The following ZNF780A variants were observed in gnomAD, a reference collection of about 807,000 sequenced individuals.
ZNF780A encodes zinc finger protein 780A.
ZNF780A carries 40 observed loss-of-function variants against 56.7 expected under a neutral mutation model. That is an observed-to-expected ratio of 0.71 (90% CI 0.55 to 0.92). The LOEUF is 0.92. Ranked by LOEUF, ZNF780A falls within the 40% of genes least tolerant of loss-of-function variation. The pLI, the probability that ZNF780A is intolerant of heterozygous loss-of-function variation, is 0.00. For synonymous variants in ZNF780A, 231 were observed against 248.3 expected (o/e 0.93, Z 0.66); for missense variants, 672 against 783.3 (o/e 0.86, Z 1.70).
chr19:40,085,874 A>C (rs1974763549), intron 2 of ZNF780A, among the ~76,000 whole-genome samples: 1 of 151,994 alleles, frequency 6.6e-6, no homozygotes, highest in Non-Finnish European at 1.5e-5. Context: ...GCGAGCCTTC[A>C]TATAAAAAAA....
downstream of ZNF780A, chr19:40,069,196 A>C (rs1415457952): frequency 1.3e-5 from 2 of 153,058 alleles, no homozygotes; most frequent in African/African-American, 4.8e-5. Flanking sequence ...TGCAGAATGT[A>C]CAAGAATCAT....
chr19:40,069,189 AGAATGT>A (rs1428980835), downstream of ZNF780A: 2 of 152,676 alleles, frequency 1.3e-5, no homozygotes, highest in African/African-American at 4.8e-5. Context: ...ACTGTTCTGC[AGAATGT>A]ACAAGAATCA....
At position 40,075,692 on chromosome 19, in the gene ZNF780A, T is replaced by C. The variant is rs140183562; in HGVS notation, c.750A>G (p.Glu250=). The stretch of plus-strand genomic sequence containing the variant: ...TAAAGGACTTCCCACATTCCTTACA[T>C]TCAAACAGTTTCTCACCTGTGTGAA... ...KNIHTGEKLF[E]CKECGKSFNR... The change falls in exon 6 of 6, where the codon GAA becomes GAG. Residue 250 remains glutamate, a synonymous_variant. Coordinates refer to ENST00000683561, the MANE Select transcript of ZNF780A (RefSeq NM_001142578.2). 4.1e-4 allele frequency: 655 copies of C among 1,614,124 alleles called. No homozygotes were observed. The highest frequency in any genetic ancestry group is 6.4e-4 in the South Asian group (58 of 91,076).
chr19:40,089,518 C>A (rs1599859480), intron 2 of ZNF780A: 10 of 282,564 alleles, frequency 3.5e-5, no homozygotes, highest in East Asian at 2.3e-4. Flanking sequence ...AGGGGCTTTA[C>A]GATATTAATT....
chr19:40,073,799 G>C lies in ZNF780A; in HGVS notation c.*717C>G. The C allele has an allele frequency of 3.0e-6, 3 of 988,422 alleles. No homozygotes were observed. Among genetic ancestry groups the C allele is most frequent in the Non-Finnish European group, 3.6e-6 (3 of 831,884 alleles). The allele number at this position is 988,422 out of a possible 1,614,324, so 61.2% of individuals were successfully genotyped here. ...TCATCAATATGAGCTCTCTGGTGTT[G>C]AGTAAATTTTTCGTACACAGTGAAG... On this transcript the variant is annotated 3_prime_UTR_variant, in exon 6 of 6. Transcript: ENST00000683561.
At position 40,074,793 on chromosome 19, in the gene ZNF780A, A is replaced by ATACT. The variant is rs766166330; in HGVS notation, c.1645_1648dup (p.Ile550LysfsTer10). On this transcript the variant is annotated frameshift_variant, in exon 6 of 6. Transcript: ENST00000683561. LOFTEE classifies it high-confidence loss of function. The stretch of plus-strand genomic sequence containing the variant: ...TTCAAAGGGTTTCTTTCCAGTATGA[A>ATACT]TACTTCGATGTTGATTAAGATTTGA... 273 of 1,613,992 alleles carry ATACT rather than the reference A, an allele frequency of 1.7e-4. No homozygotes were observed. Among genetic ancestry groups the ATACT allele is most frequent in the Non-Finnish European group, 2.2e-4 (261 of 1,179,982 alleles).
At chr19:40,087,296 G>T (rs560063302) in intron 2 of ZNF780A, among the ~76,000 whole-genome samples, 1 of 152,226 alleles carries the variant, frequency 6.6e-6, no homozygotes, top group East Asian at 1.9e-4. Context: ...ATGGGAGAGT[G>T]GGGAGAGCTA....
chr19:40,090,514 C>G (rs1202932190), intron 1 of ZNF780A: 1 of 152,194 alleles, frequency 6.6e-6, no homozygotes, highest in Non-Finnish European at 1.5e-5. Context: ...ATTCTCGGCT[C>G]AATATCTGAC....
intron 5 of ZNF780A, among the ~76,000 whole-genome samples, chr19:40,076,493 A>T (rs565324615): frequency 7.5e-4 from 115 of 152,328 alleles, no homozygotes; most frequent in African/African-American, 2.7e-3. Context: ...AAACATATTG[A>T]TATGTTCTAT....
At chr19:40,089,308 G>A (rs952018541) in intron 2 of ZNF780A, 3 of 1,354,122 alleles carry the variant, frequency 2.2e-6, no homozygotes, top group African/African-American at 2.9e-5. Context: ...TATATCTGTC[G>A]ATTTAAAAAG....
In ZNF780A at chr19:40,075,560, C is replaced by T; in HGVS notation, c.882G>A (p.Gln294=). 1 of 1,613,606 alleles carries T rather than the reference C, an allele frequency of 6.2e-7. No individual in the cohort carries two copies. Among genetic ancestry groups the T allele is most frequent in the Non-Finnish European group, 8.5e-7 (1 of 1,179,904 alleles). The stretch of plus-strand genomic sequence containing the variant: ...TCTCATTGGAATGAATTTTCTGATG[C>T]TGAATAAGGTGTGCACCACGATTAA... ...KGFNRGAHLI[Q]HQKIHSNEKP... Residue 294 remains glutamine (Q), a synonymous_variant, in exon 6 of 6, where the codon CAG becomes CAA. Coordinates refer to ENST00000683561, the MANE Select transcript of ZNF780A (RefSeq NM_001142578.2).
Position 40,075,990 on chromosome 19 carries a change from T to G in ZNF780A, c.452A>C (p.His151Pro). 3 of 1,613,508 alleles carry G rather than the reference T, an allele frequency of 1.9e-6. No individual in the cohort carries two copies. Among genetic ancestry groups the G allele is most frequent in the Non-Finnish European group, 2.5e-6 (3 of 1,179,788 alleles). ...KMISYEKLPT[H>P]TPHASLICNT... ...GCAAATAAGAGAAGCATGAGGAGTA[T>G]GAGTAGGCAGTTTTTCATAGCTGAT... The change falls in exon 6 of 6, where the codon CAT becomes CCT. Residue 151 changes from histidine to proline, a missense_variant. Transcript: ENST00000683561.
intron 3 of ZNF780A, among the ~76,000 whole-genome samples, chr19:40,083,778 G>A (rs1456192536): frequency 6.6e-6 from 1 of 151,768 alleles, no homozygotes; most frequent in Non-Finnish European, 1.5e-5. Flanking sequence ...CATGACAACT[G>A]ATTTTTATAA....
chr19:40,088,115 T>G (rs1159316591), intron 2 of ZNF780A, among the ~76,000 whole-genome samples: 2 of 152,150 alleles, frequency 1.3e-5, no homozygotes, highest in African/African-American at 4.8e-5. Context: ...TGATTTTTTT[T>G]GGGATATGAC....
rs187173330 is a variant in ZNF780A at position 40,090,740 on chromosome 19, G to A, written c.-116+166C>T. On this transcript the variant is annotated intron_variant, in intron 1 of 5. Transcript: ENST00000683561. ...ACAATCCCCCTCCTCTGATACCCGC[G>A]CACACACACGCCTGGGGATCCGGCA... 6.6e-5 allele frequency: 10 copies of A among 152,590 alleles called. No individual in the cohort carries two copies. In the East Asian group the frequency reaches 1.5e-3, roughly 24 times the overall value. The allele number at this position is 152,590 out of a possible 1,614,324, so 9.5% of individuals were successfully genotyped here. A position where few individuals can be genotyped will look rare whatever the true frequency, so the allele number is the denominator to read the frequency against.
At chr19:40,089,097 G>T (rs1162840852) in intron 2 of ZNF780A, among the ~76,000 whole-genome samples, 2 of 152,098 alleles carry the variant, frequency 1.3e-5, no homozygotes, top group Non-Finnish European at 2.9e-5. Flanking sequence ...AAGTTCAGGA[G>T]ATCTATTACA....
At chr19:40,072,009 C>T (rs1329392246), downstream of ZNF780A, 1 of 152,614 alleles carries the variant, frequency 6.6e-6, no homozygotes, top group Non-Finnish European at 1.5e-5. Flanking sequence ...AGAAATAATC[C>T]CCTGCACTGC....
At chr19:40,069,842 G>C (rs1973756096), downstream of ZNF780A, 1 of 152,040 alleles carries the variant, frequency 6.6e-6, no homozygotes. Context: ...TATTTGTATT[G>C]ATCTGTAAAA....
intron 4 of ZNF780A, among the ~76,000 whole-genome samples, chr19:40,082,689 T>C (rs949182006): frequency 1.3e-5 from 2 of 152,298 alleles, no homozygotes; most frequent in African/African-American, 2.4e-5. Context: ...CCAGTGATCA[T>C]AGAGGTTTCT....
Sources: gnomAD v4.1 joint callset for allele counts (sites outside exome capture counted in the v4.1 genomes callset) on GRCh38, gnomAD v4.1.1 for gene constraint, MANE v1.5 for transcripts, NCBI Gene and HGNC (gene_info 2026-07-23, HGNC 2026-07-21) for gene names.